TMF1: variants seen among roughly 807,000 people sequenced by gnomAD.
TMF1 encodes the protein TATA element modulatory factor 1.
Under a neutral mutation model 126.5 loss-of-function variants are expected in TMF1, and 71 were observed. That is an observed-to-expected ratio of 0.56 (90% CI 0.46 to 0.68). The LOEUF (loss-of-function observed/expected upper bound fraction) is 0.68, where lower values mean the gene tolerates loss of function less well. Among genes scored for constraint, TMF1 ranks in the 30% least tolerant of loss-of-function variants. TMF1 has a pLI of 0.00. For synonymous variants in TMF1, 461 were observed against 430.5 expected (o/e 1.07, Z -0.88); for missense variants, 1,259 against 1,253.2 (o/e 1.00, Z -0.07).
intron 10 of TMF1, among the ~76,000 whole-genome samples, chr3:69,032,645 C>G (rs952797779): frequency 4.1e-5 from 6 of 146,264 alleles, no homozygotes; most frequent in South Asian, 4.2e-4. Context: ...CAGTCTCGCT[C>G]TGTCACCCAG....
intron 5 of TMF1, chr3:69,042,473 A>G (rs1575817605): frequency 4.1e-6 from 2 of 482,632 alleles, no homozygotes; most frequent in Non-Finnish European, 8.1e-6. Flanking sequence ...CAGATATTAC[A>G]TAAATCCCAG....
intron 5 of TMF1, among the ~76,000 whole-genome samples, chr3:69,040,157 C>A (rs1419963648): frequency 6.6e-6 from 1 of 152,176 alleles, no homozygotes; most frequent in African/African-American, 2.4e-5. Context: ...TGTGGGACAA[C>A]TGCCCTAGAC....
At chr3:69,042,770 A>G in intron 5 of TMF1, 37 bp downstream of exon 5, 1 of 1,513,358 alleles carries the variant, frequency 6.6e-7, no homozygotes, top group South Asian at 1.1e-5. Context: ...TCCTGTTCTT[A>G]CAGTATTTTT....
At chr3:69,027,767 T>A (rs566283008) in intron 13 of TMF1, 133 bp downstream of exon 13, 1 of 510,594 alleles carries the variant, frequency 2.0e-6, no homozygotes, top group Non-Finnish European at 3.4e-6. Context: ...AAAATCATCC[T>A]GGGCCACATG....
rs773763239 is a variant in TMF1, at chr3:69,045,958, A to AATCC, written c.1348-1364_1348-1363insGGAT. Among the ~76,000 whole-genome samples the AATCC allele has an allele frequency of 1.2e-3, 190 of 152,128 alleles. 1 individual carries two copies. The highest frequency in any genetic ancestry group is 1.8e-3 in the Non-Finnish European group (119 of 67,982). On this transcript the variant is annotated intron_variant, in intron 2 of 16. Coordinates refer to ENST00000398559, the MANE Select transcript of TMF1 (RefSeq NM_007114.3). ...ATGGTCCCAGCTACTAGAGCGGATT[A>AATCC]GGTGGGAGGACTGCTTGAGCCCAGG...
chr3:69,033,843 AT>A, intron 9 of TMF1, 139 bp from the exon 10 acceptor site: 1 of 836,454 alleles, frequency 1.2e-6, no homozygotes, highest in Non-Finnish European at 1.7e-6. Context: ...ATTATTATTA[AT>A]TTTAGAAACG....
chr3:69,042,862 T>G lies in TMF1; in HGVS notation c.1629A>C (p.Glu543Asp). ...CTTTCTCTTTCAAAAGGTCTGCAGT[T>G]TCACTACTATTTAATCTAGTGGCAA... ...EELATRLNSS[E>D]TADLLKEKDE... The change falls in exon 5 of 17, where the codon GAA becomes GAC. Residue 543 changes from glutamate to aspartate, a missense_variant. Coordinates refer to ENST00000398559, the MANE Select transcript of TMF1 (RefSeq NM_007114.3). 1.9e-6 allele frequency: 3 copies of G among 1,613,744 alleles called. 1 individual carries two copies. The highest frequency in any genetic ancestry group is 2.2e-5 in the South Asian group (2 of 91,074).
intron 5 of TMF1, among the ~76,000 whole-genome samples, chr3:69,042,125 C>G (rs528901842): frequency 4.3e-4 from 65 of 152,274 alleles, no homozygotes; most frequent in African/African-American, 1.5e-3. Flanking sequence ...CAACCTCCAC[C>G]TCCCAGGCTC....
At chr3:69,027,206 G>A (rs1157618467) in intron 13 of TMF1, among the ~76,000 whole-genome samples, 1 of 152,096 alleles carries the variant, frequency 6.6e-6, no homozygotes, top group Non-Finnish European at 1.5e-5. Context: ...ATGTTGGCCA[G>A]GCTGGTCTTG....
At chr3:69,023,427 G>A in intron 16 of TMF1, 107 bp from the exon 17 acceptor site, 1 of 867,916 alleles carries the variant, frequency 1.2e-6, no homozygotes, top group Non-Finnish European at 1.7e-6. Context: ...TTAAATAAAA[G>A]TATATACTCA....
At chr3:69,050,487 T>C (rs1311791457) in intron 1 of TMF1, among the ~76,000 whole-genome samples, 1 of 152,140 alleles carries the variant, frequency 6.6e-6, no homozygotes, top group African/African-American at 2.4e-5. Context: ...AGGAATTAAT[T>C]TTGCCTCTTG....
At position 69,027,897 on chromosome 3, in the gene TMF1, T is replaced by C. The variant is rs1457537743; in HGVS notation, c.2757+3A>G. ...ACAAACAAACAAAAACAAAATTCAA[T>C]ACCTTTTCTTTTATTGTTTCTTGAG... On this transcript the variant is annotated splice_donor_region_variant and intron_variant, in intron 13 of 16. Coordinates refer to ENST00000398559, the MANE Select transcript of TMF1 (RefSeq NM_007114.3). The C allele has an allele frequency of 1.3e-6, 2 of 1,494,384 alleles. No homozygotes were observed. The highest frequency in any genetic ancestry group is 1.8e-5 in the Admixed American group (1 of 55,980). The allele number at this position is 1,494,384 out of a possible 1,614,324, so 92.6% of individuals were successfully genotyped here.
At chr3:69,043,928 G>C in intron 3 of TMF1, 52 bp from the exon 4 acceptor site, 1 of 1,425,274 alleles carries the variant, frequency 7.0e-7, no homozygotes, top group Non-Finnish European at 9.5e-7. Flanking sequence ...ATATCCCAAA[G>C]GTATACATGA....
rs896206829 is a variant in TMF1, at chr3:69,048,435, G to A, written c.270C>T (p.Val90=). The A allele has an allele frequency of 8.7e-6, 14 of 1,613,962 alleles. No homozygotes were observed. Among genetic ancestry groups the A allele is most frequent in the African/African-American group, 2.7e-5 (2 of 74,888 alleles). Residue 90 remains valine, a synonymous_variant, in exon 2 of 17, where the codon GTC becomes GTT. Coordinates refer to ENST00000398559, the MANE Select transcript of TMF1 (RefSeq NM_007114.3). ...CACTGAAGAAATTTTCAGATTCATC[G>A]ACCACAGTCCTCCGAACTGGCTTTG... ...AITKPVRRTV[V]DESENFFSAF...
chr3:69,038,649 T>G lies in TMF1; in HGVS notation c.2066A>C (p.Glu689Ala). ...AGAAAGTTCTTCTTTAGCTTTCATT[T>G]CACGGCTCAGAGCAGCTTCCTGTGC... Reference protein sequence around the residue: ...SEAQEAALSREMKAKEELSAA... With the variant: ...SEAQEAALSRAMKAKEELSAA... Residue 689 changes from glutamate to alanine, a missense_variant, in exon 8 of 17, where the codon GAA becomes GCA. Coordinates refer to ENST00000398559, the MANE Select transcript of TMF1 (RefSeq NM_007114.3). The G allele has an allele frequency of 2.5e-6, 4 of 1,614,224 alleles. No individual in the cohort carries two copies. Among genetic ancestry groups the G allele is most frequent in the Non-Finnish European group, 3.4e-6 (4 of 1,180,030 alleles).
At chr3:69,025,464 C>T (rs1479731791) in intron 15 of TMF1, 96 bp downstream of exon 15, 2 of 1,235,000 alleles carry the variant, frequency 1.6e-6, no homozygotes, top group East Asian at 2.4e-5. Flanking sequence ...CATCTTGTTT[C>T]TCAATTTGCT....
In TMF1 at chr3:69,038,574, A is replaced by G. The variant is rs1251702169; in HGVS notation, c.2141T>C (p.Leu714Ser). The G allele has an allele frequency of 1.2e-6, 2 of 1,613,016 alleles. No individual in the cohort carries two copies. The highest frequency in any genetic ancestry group is 1.7e-6 in the Non-Finnish European group (2 of 1,179,776). ...QEEARQQQET[L>S]AIQVGDLRLA... ...TCATCCATTGCTTACTTGAATGGCT[A>G]ATGTTTCTTGCTGCTGACGGGCTTC... The change falls in exon 8 of 17, where the codon TTA becomes TCA. Residue 714 changes from leucine (L) to serine (S), a missense_variant. Leu to Ser is a moderately radical substitution (Grantham distance 145, BLOSUM62 -2). Coordinates refer to ENST00000398559, the MANE Select transcript of TMF1 (RefSeq NM_007114.3).
rs2091745933 is a variant in TMF1, at chr3:69,022,668, C to G, written c.*509G>C. On this transcript the variant is annotated 3_prime_UTR_variant, in exon 17 of 17. Transcript: ENST00000398559. ...AAAAAATTAGTTTAAAATTTAATAG[C>G]CACAGATTTAATAATTTTTTACTTT... 1.3e-5 allele frequency: 2 copies of G among 152,282 alleles called. No individual in the cohort carries two copies. Among genetic ancestry groups the G allele is most frequent in the African/African-American group, 4.8e-5 (2 of 41,374 alleles). The allele number at this position is 152,282 out of a possible 1,614,324, so 9.4% of individuals were successfully genotyped here. A position where few individuals can be genotyped will look rare whatever the true frequency, so the allele number is the denominator to read the frequency against.
chr3:69,050,555 G>A (rs1275540342), intron 1 of TMF1, among the ~76,000 whole-genome samples: 1 of 152,110 alleles, frequency 6.6e-6, no homozygotes, highest in African/African-American at 2.4e-5. Context: ...ATACCATTCT[G>A]AAGACTATGG....
Sources: gnomAD v4.1 joint callset for allele counts (sites outside exome capture counted in the v4.1 genomes callset) on GRCh38, gnomAD v4.1.1 for gene constraint, MANE v1.5 for transcripts, NCBI Gene and HGNC (gene_info 2026-07-23, HGNC 2026-07-21) for gene names.